ATXN10: variants seen among roughly 807,000 people sequenced by gnomAD.
The protein encoded by ATXN10 is ataxin 10, also known as ataxin-10.
ATXN10 carries 28 observed loss-of-function variants against 52.9 expected under a neutral mutation model. That is an observed-to-expected ratio of 0.53 (90% CI 0.39 to 0.73). The LOEUF is 0.73. ATXN10 is among the 30% of genes least tolerant of loss of function. The pLI is 0.00. For synonymous variants in ATXN10, 226 were observed against 221.5 expected (o/e 1.02, Z -0.18); for missense variants, 565 against 577.0 (o/e 0.98, Z 0.21).
chr22:45,710,701 G>GT (rs1420497964), intron 5 of ATXN10, among the ~76,000 whole-genome samples: 3 of 152,164 alleles, frequency 2.0e-5, no homozygotes, highest in Non-Finnish European at 4.4e-5. Flanking sequence ...AGCCAAGCTT[G>GT]TTTATCTATT....
rs971277901 is a variant in ATXN10 at position 45,705,973 on chromosome 22, T to G, written c.647+3126T>G. Among the ~76,000 whole-genome samples the G allele has an allele frequency of 6.6e-6, 1 of 152,170 alleles. No individual in the cohort carries two copies. Among genetic ancestry groups the G allele is most frequent in the African/African-American group, 2.4e-5 (1 of 41,422 alleles). Reference sequence around the variant, plus strand: ...TCAGATCATCAGCCACATTCGATTCTCTTAGGAGCACAAACCCTGTTGTGA... The same window carrying G: ...TCAGATCATCAGCCACATTCGATTCGCTTAGGAGCACAAACCCTGTTGTGA... On this transcript the variant is annotated intron_variant, in intron 5 of 11. Coordinates refer to ENST00000252934, the MANE Select transcript of ATXN10 (RefSeq NM_013236.4). This position sits in a 1 kb window ranked among gnomAD's most constrained non-coding sequence, Gnocchi z 5.2.
chr22:45,758,677 C>T (rs1410813681), intron 9 of ATXN10, among the ~76,000 whole-genome samples: 3 of 152,252 alleles, frequency 2.0e-5, no homozygotes, highest in East Asian at 1.9e-4. Context: ...TGTTTGCACA[C>T]GCACATGTGC....
At chr22:45,703,110 A>G (rs1338211946) in intron 5 of ATXN10, among the ~76,000 whole-genome samples, 4 of 152,216 alleles carry the variant, frequency 2.6e-5, no homozygotes, top group African/African-American at 4.8e-5. Flanking sequence ...TTCTTGGTGT[A>G]TGAAAAAACA....
chr22:45,838,921 G>T (rs1165006290), intron 10 of ATXN10, among the ~76,000 whole-genome samples: 3 of 152,244 alleles, frequency 2.0e-5, no homozygotes, highest in Admixed American at 2.0e-4. Context: ...GGAGGTTTGT[G>T]TAGTATTTGA....
In ATXN10 at chr22:45,693,028, T is replaced by C; in HGVS notation, c.341T>C (p.Leu114Ser). 1 of 1,614,166 alleles carries C rather than the reference T, an allele frequency of 6.2e-7. No individual in the cohort carries two copies. The highest frequency in any genetic ancestry group is 1.1e-5 in the South Asian group (1 of 91,086). Residue 114 changes from leucine (L) to serine (S), a missense_variant, in exon 3 of 12, where the codon TTG becomes TCG. Leu to Ser is a moderately radical substitution (Grantham distance 145). Transcript: ENST00000252934. ...GATACGATTGGTGTTGCTGTTGATT[T>C]GATTCTTCTGTTTCGTGAACTGCGA... ...NLDTIGVAVD[L>S]ILLFRELRVE...
Position 45,818,977 on chromosome 22 carries a change from G to A in ATXN10, c.1237+11955G>A, listed in dbSNP as rs149302027. Among the ~76,000 whole-genome samples, 4 of 152,244 alleles carry A rather than the reference G, an allele frequency of 2.6e-5. No individual in the cohort carries two copies. Among genetic ancestry groups the A allele is most frequent in the East Asian group, 1.9e-4 (1 of 5,174 alleles). On this transcript the variant is annotated intron_variant, in intron 10 of 11. Transcript: ENST00000252934. The surrounding 1 kb of genome is among the most constrained non-coding windows in gnomAD (Gnocchi z 4.6). ...GCCTAAAACTTGCGTAGTCTGACAC[G>A]TAGGGAAAACATGAGAAATCCATGC...
chr22:45,698,695 T>C (rs1022989529), intron 3 of ATXN10, among the ~76,000 whole-genome samples: 1 of 152,196 alleles, frequency 6.6e-6, no homozygotes, highest in African/African-American at 2.4e-5. Context: ...AAGGATATTA[T>C]TGAGGCAGGA....
At chr22:45,767,194 A>G (rs564948452) in intron 9 of ATXN10, among the ~76,000 whole-genome samples, 1 of 152,338 alleles carries the variant, frequency 6.6e-6, no homozygotes, top group Admixed American at 6.5e-5. Context: ...GAAACAAACC[A>G]GGTGTCCATC....
chr22:45,680,169 G>A (rs1028649123), intron 1 of ATXN10: 8 of 152,166 alleles, frequency 5.3e-5, no homozygotes, highest in African/African-American at 1.9e-4. Flanking sequence ...TCCATAAGTG[G>A]GGGATGCTCT....
intron 10 of ATXN10, among the ~76,000 whole-genome samples, chr22:45,834,470 C>T (rs1203493645): frequency 6.6e-6 from 1 of 152,206 alleles, no homozygotes; most frequent in East Asian, 1.9e-4. Flanking sequence ...TGTGTGGAGA[C>T]ACTGAGCACT....
At chr22:45,685,288 T>C (rs1480983063) in intron 1 of ATXN10, among the ~76,000 whole-genome samples, 1 of 152,200 alleles carries the variant, frequency 6.6e-6, no homozygotes, top group African/African-American at 2.4e-5. Flanking sequence ...ATTCTACCTT[T>C]TGTATAATTC....
At chr22:45,806,627 T>G (rs2146884240) in intron 9 of ATXN10, among the ~76,000 whole-genome samples, 1 of 152,298 alleles carries the variant, frequency 6.6e-6, no homozygotes, top group East Asian at 1.9e-4. Context: ...TTTCTAGTAC[T>G]GATTTTCTTT....
chr22:45,782,588 G>T (rs1927186842), intron 9 of ATXN10, among the ~76,000 whole-genome samples: 1 of 152,162 alleles, frequency 6.6e-6, no homozygotes, highest in Admixed American at 6.5e-5. Context: ...GGGTGATAGA[G>T]GTCAGAATAC....
In ATXN10 at chr22:45,700,273, T is replaced by C; in HGVS notation, c.392-9T>C. 2 of 1,574,314 alleles carry C rather than the reference T, an allele frequency of 1.3e-6. No homozygotes were observed. The highest frequency in any genetic ancestry group is 1.7e-6 in the Non-Finnish European group (2 of 1,145,482). ...TATTTATTTATTTATAACTTTTATA[T>C]ATTCTTAGCTTTTCGCTGTGGCCTG... On this transcript the variant is annotated splice_polypyrimidine_tract_variant and intron_variant, in intron 3 of 11. Coordinates refer to ENST00000252934, the MANE Select transcript of ATXN10 (RefSeq NM_013236.4).
intron 9 of ATXN10, among the ~76,000 whole-genome samples, chr22:45,753,341 C>T (rs1177310807): frequency 7.2e-6 from 1 of 138,142 alleles, no homozygotes; most frequent in African/African-American, 2.6e-5. Context: ...GTTTTCATCT[C>T]CTCGGGTCCT....
In ATXN10 at chr22:45,769,349, A is replaced by G. The variant is rs1926696243; in HGVS notation, c.1173+28811A>G. Among the ~76,000 whole-genome samples the G allele has an allele frequency of 1.3e-5, 2 of 152,038 alleles. No homozygotes were observed. The highest frequency in any genetic ancestry group is 4.8e-5 in the African/African-American group (2 of 41,390). On this transcript the variant is annotated intron_variant, in intron 9 of 11. Transcript: ENST00000252934. This position sits in a 1 kb window ranked among gnomAD's most constrained non-coding sequence, Gnocchi z 4.2. ...TCATAGACACAACAGACATTTCTACAGGATCTGCTTGGTACAGGGCACTGT... is the reference window on the plus strand; with the variant it reads ...TCATAGACACAACAGACATTTCTACGGGATCTGCTTGGTACAGGGCACTGT...
intron 3 of ATXN10, among the ~76,000 whole-genome samples, chr22:45,693,542 G>A (rs948440617): frequency 9.9e-5 from 15 of 152,212 alleles, no homozygotes; most frequent in African/African-American, 3.1e-4. Context: ...TCCCATTCAC[G>A]AGGGCTGCAC....
chr22:45,706,708 T>C (rs907136885), intron 5 of ATXN10, among the ~76,000 whole-genome samples: 1 of 152,292 alleles, frequency 6.6e-6, no homozygotes, highest in Non-Finnish European at 1.5e-5. Flanking sequence ...GTTTCTAATT[T>C]TATTCCATGT....
At chr22:45,672,351 C>G (rs925211483) in intron 1 of ATXN10, 172 bp downstream of exon 1, 4 of 686,466 alleles carry the variant, frequency 5.8e-6, no homozygotes, top group Non-Finnish European at 7.6e-6. Flanking sequence ...GGCACCGCCT[C>G]GTGCTCGTGG....
Sources: allele counts gnomAD v4.1 joint callset (sites outside exome capture counted in the v4.1 genomes callset), GRCh38; gene constraint gnomAD v4.1.1; non-coding constraint Gnocchi (gnomAD v3.1); transcripts MANE v1.5; gene names NCBI Gene and HGNC (gene_info 2026-07-23, HGNC 2026-07-21).